KCNH8: variants seen among roughly 807,000 people sequenced by gnomAD.
The protein encoded by KCNH8 is potassium voltage-gated channel subfamily H member 8.
In KCNH8, 70 loss-of-function variants were observed where a neutral mutation model predicts 103.6. The observed-to-expected ratio is 0.68, with a 90% CI of 0.56 to 0.82. The LOEUF is 0.82. KCNH8 is among the 40% of genes least tolerant of loss of function. KCNH8 has a pLI of 0.00. For synonymous variants in KCNH8, 498 were observed against 489.4 expected, an observed-to-expected ratio of 1.02 and a Z score of -0.23; for missense variants, 1,217 against 1,329.9, an observed-to-expected ratio of 0.92 and a Z score of 1.32.
chr3:19,301,047 C>T (rs1409797309), intron 3 of KCNH8, among the ~76,000 whole-genome samples: 1 of 151,388 alleles, frequency 6.6e-6, no homozygotes, highest in Non-Finnish European at 1.5e-5. Context: ...ATAATCCTCT[C>T]AATAACCCTG....
In KCNH8 at chr3:19,148,715, G is replaced by A; in HGVS notation, c.-5G>A. ...TGATGGAGAATTTCACACCACGCTG[G>A]AAAAATGCCGGTTATGAAAGGATTA... On this transcript the variant is annotated 5_prime_UTR_variant, in exon 1 of 16. The change creates a premature stop within an existing upstream ORF in the 5' untranslated region. Coordinates refer to ENST00000328405, the MANE Select transcript of KCNH8 (RefSeq NM_144633.3). 2 of 1,613,964 alleles carry A rather than the reference G, an allele frequency of 1.2e-6. No individual in the cohort carries two copies. Among genetic ancestry groups the A allele is most frequent in the Non-Finnish European group, 1.7e-6 (2 of 1,179,902 alleles).
At chr3:19,258,933 CTCTCTCTCTCTCTCTA>C (rs1472853898) in intron 2 of KCNH8, among the ~76,000 whole-genome samples, 84 of 83,522 alleles carry the variant, frequency 1.0e-3, no homozygotes, top group Non-Finnish European at 1.6e-3. Context: ...CTCTCTCTCT[CTCTCTCTCTCTCTCTA>C]TATATATATA....
rs2068941766 is a variant in KCNH8 at position 19,519,869 on chromosome 3, A to ATATT, written c.2619+1796_2619+1799dup. ...CTGACTGACCTATATCTTAGTTCAA[A>ATATT]TATTAGAGTTAGTGATTCTTCTGAG... On this transcript the variant is annotated intron_variant, in intron 15 of 15. Transcript: ENST00000328405. Among the ~76,000 whole-genome samples, 4 of 152,030 alleles carry ATATT rather than the reference A, an allele frequency of 2.6e-5. No homozygotes were observed. The South Asian group carries it at 6.2e-4, about 24-fold the overall frequency.
chr3:19,308,688 CTCTCTCTCTCTCTCTCTCTCTCTCTCTCT>C (rs2065163639), intron 3 of KCNH8, among the ~76,000 whole-genome samples: 9 of 68,320 alleles, frequency 1.3e-4, no homozygotes, highest in African/African-American at 6.3e-4. Context: ...CTCTCTCTCT[CTCTCTCTCTCTCTCTCTCTCTCTCTCTCT>C]CCCCCTCTCT....
intron 1 of KCNH8, among the ~76,000 whole-genome samples, chr3:19,176,339 G>T (rs2063399339): frequency 6.6e-6 from 1 of 152,060 alleles, no homozygotes. Flanking sequence ...AAAATATTCA[G>T]CTAAACAGTA....
intron 1 of KCNH8, among the ~76,000 whole-genome samples, chr3:19,150,425 G>A (rs1392655439): frequency 6.6e-6 from 1 of 152,102 alleles, no homozygotes; most frequent in African/African-American, 2.4e-5. Flanking sequence ...TTGAAAATGA[G>A]GTAATTGGCA....
intron 2 of KCNH8, among the ~76,000 whole-genome samples, chr3:19,266,130 G>A (rs1482909739): frequency 6.6e-6 from 1 of 151,910 alleles, no homozygotes; most frequent in East Asian, 1.9e-4. Context: ...AGCCTTCAGG[G>A]GTGCCTCGTT....
At chr3:19,253,601 T>G in intron 1 of KCNH8, 53 bp from the exon 2 acceptor site, 1 of 1,341,810 alleles carries the variant, frequency 7.5e-7, no homozygotes, top group Admixed American at 1.7e-5. Context: ...GAATTGTGTA[T>G]AAATTCTCAC....
intron 1 of KCNH8, among the ~76,000 whole-genome samples, chr3:19,175,904 C>A (rs1200249991): frequency 6.6e-6 from 1 of 152,132 alleles, no homozygotes; most frequent in Non-Finnish European, 1.5e-5. Flanking sequence ...GAATACAAGT[C>A]CAAGTTCCCG....
intron 3 of KCNH8, among the ~76,000 whole-genome samples, chr3:19,317,970 G>C (rs1345560095): frequency 1.3e-5 from 2 of 151,956 alleles, no homozygotes; most frequent in African/African-American, 4.8e-5. Flanking sequence ...TAGAAGTTCT[G>C]ATGACGGCAA....
intron 2 of KCNH8, among the ~76,000 whole-genome samples, chr3:19,279,331 T>A (rs895356891): frequency 3.9e-5 from 6 of 152,120 alleles, no homozygotes; most frequent in African/African-American, 1.4e-4. Flanking sequence ...GTTGATTTAT[T>A]GTCTCAGCAT....
chr3:19,381,594 T>G (rs980503935), intron 5 of KCNH8, among the ~76,000 whole-genome samples: 1 of 152,046 alleles, frequency 6.6e-6, no homozygotes, highest in East Asian at 1.9e-4. Flanking sequence ...TGAATTGATA[T>G]TCACAAAAAC....
intron 1 of KCNH8, among the ~76,000 whole-genome samples, chr3:19,163,283 A>G: frequency 6.7e-6 from 1 of 150,174 alleles, no homozygotes; most frequent in African/African-American, 2.4e-5. Flanking sequence ...TATATATAAA[A>G]TTATATATAT....
At chr3:19,337,430 G>A (rs1273204110) in intron 3 of KCNH8, among the ~76,000 whole-genome samples, 1 of 151,894 alleles carries the variant, frequency 6.6e-6, no homozygotes, top group African/African-American at 2.4e-5. Flanking sequence ...ATCTCTCAGT[G>A]TTGCTTAGTA....
chr3:19,355,595 A>C (rs1198764331), intron 5 of KCNH8, among the ~76,000 whole-genome samples: 2 of 152,166 alleles, frequency 1.3e-5, no homozygotes, highest in Non-Finnish European at 2.9e-5. Flanking sequence ...GACATGGATG[A>C]AGCTAGAAAC....
At chr3:19,511,269 G>C (rs1400400705) in intron 12 of KCNH8, among the ~76,000 whole-genome samples, 1 of 151,218 alleles carries the variant, frequency 6.6e-6, no homozygotes, top group African/African-American at 2.4e-5. Flanking sequence ...GTGATAGTTT[G>C]TAATGTCGGC....
chr3:19,196,807 A>G (rs909832798), intron 1 of KCNH8, among the ~76,000 whole-genome samples: 17 of 152,084 alleles, frequency 1.1e-4, no homozygotes, highest in African/African-American at 2.9e-4. Context: ...TGATACCTAT[A>G]TGCTTTATGT....
intron 1 of KCNH8, among the ~76,000 whole-genome samples, chr3:19,235,157 C>A (rs761450649): frequency 6.6e-6 from 1 of 152,046 alleles, no homozygotes; most frequent in African/African-American, 2.4e-5. Context: ...TTTTATTATA[C>A]CTTGCTTTGC....
intron 1 of KCNH8, among the ~76,000 whole-genome samples, chr3:19,212,209 A>G (rs1376335470): frequency 2.6e-5 from 4 of 152,080 alleles, no homozygotes; most frequent in Non-Finnish European, 4.4e-5. Flanking sequence ...TACATCTTTC[A>G]TCACAACTAC....
Sources: allele counts gnomAD v4.1 joint callset (sites outside exome capture counted in the v4.1 genomes callset), GRCh38; gene constraint gnomAD v4.1.1; transcripts MANE v1.5; gene names NCBI Gene and HGNC (gene_info 2026-07-23, HGNC 2026-07-21).